NAV2: variants seen among roughly 807,000 people sequenced by gnomAD.
NAV2 encodes neuron navigator 2.
NAV2 carries 54 observed loss-of-function variants against 223.2 expected under a neutral mutation model. That is an observed-to-expected ratio of 0.24 (90% CI 0.19 to 0.30). NAV2 has a LOEUF of 0.30. Among genes scored for constraint, NAV2 ranks in the 10% least tolerant of loss-of-function variants. NAV2 has a pLI of 1.00. For synonymous variants in NAV2, 1,279 were observed against 1,239.3 expected, an observed-to-expected ratio of 1.03 and a Z score of -0.67; for missense variants, 2,806 against 3,147.5, an observed-to-expected ratio of 0.89 and a Z score of 2.60.
chr11:19,774,500 T>G (rs961646493), intron 1 of NAV2, among the ~76,000 whole-genome samples: 2 of 152,232 alleles, frequency 1.3e-5, no homozygotes, highest in Non-Finnish European at 2.9e-5. Flanking sequence ...ATGACCCAGC[T>G]GTACACTATA....
At chr11:19,420,030 G>A (rs185168544) in intron 1 of NAV2, among the ~76,000 whole-genome samples, 2 of 152,284 alleles carry the variant, frequency 1.3e-5, no homozygotes, top group East Asian at 3.9e-4. Flanking sequence ...AAGCAGTAAG[G>A]TGAGGTCCTC....
chr11:19,466,978 TCTCTCTAC>T (rs1386671712), intron 1 of NAV2, among the ~76,000 whole-genome samples: 1 of 104,736 alleles, frequency 9.5e-6, no homozygotes, highest in African/African-American at 3.4e-5. Flanking sequence ...CTCTTCTCTC[TCTCTCTAC>T]ACACACACAC....
At chr11:19,368,675 T>G (rs1848371171) in intron 1 of NAV2, among the ~76,000 whole-genome samples, 1 of 152,210 alleles carries the variant, frequency 6.6e-6, no homozygotes, top group South Asian at 2.1e-4. Flanking sequence ...GGTTTATATT[T>G]TATAACTAAA....
chr11:19,632,964 T>C (rs1417815451), intron 1 of NAV2, among the ~76,000 whole-genome samples: 2 of 152,202 alleles, frequency 1.3e-5, no homozygotes, highest in Non-Finnish European at 2.9e-5. Flanking sequence ...CTTTCCAAGC[T>C]CACACAGCTA....
At chr11:19,599,986 T>C (rs1554971754) in intron 1 of NAV2, among the ~76,000 whole-genome samples, 1 of 152,162 alleles carries the variant, frequency 6.6e-6, no homozygotes, top group Non-Finnish European at 1.5e-5. Context: ...GTGAAGTAAG[T>C]ATTTCAGTAC....
At chr11:19,678,381 A>G (rs186681394) in intron 1 of NAV2, among the ~76,000 whole-genome samples, 4 of 152,212 alleles carry the variant, frequency 2.6e-5, no homozygotes, top group Admixed American at 2.6e-4. Context: ...GAGTCCAGGC[A>G]TGCTTACTCC....
intron 1 of NAV2, among the ~76,000 whole-genome samples, chr11:19,736,336 A>T (rs144679599): frequency 6.6e-6 from 1 of 152,224 alleles, no homozygotes; most frequent in African/African-American, 2.4e-5. Context: ...CACTGTCAGT[A>T]TGCCTTCTAG....
chr11:19,546,078 A>T (rs2044490826), intron 1 of NAV2, among the ~76,000 whole-genome samples: 1 of 152,134 alleles, frequency 6.6e-6, no homozygotes, highest in Non-Finnish European at 1.5e-5. Context: ...CTAGAATTTC[A>T]TGGAGCTCAA....
intron 1 of NAV2, among the ~76,000 whole-genome samples, chr11:19,714,655 G>T (rs1486374131): frequency 6.6e-6 from 1 of 152,162 alleles, no homozygotes; most frequent in Admixed American, 6.5e-5. Context: ...CCGAAGCTAA[G>T]CCCCTCCTTC....
At chr11:19,353,851 G>A (rs1315712994) in intron 1 of NAV2, among the ~76,000 whole-genome samples, 1 of 152,136 alleles carries the variant, frequency 6.6e-6, no homozygotes, top group African/African-American at 2.4e-5. Flanking sequence ...GCTATTAACA[G>A]TTTTGTACAT....
At chr11:20,086,297 TG>T (rs1485962833) in intron 26 of NAV2, among the ~76,000 whole-genome samples, 2 of 152,216 alleles carry the variant, frequency 1.3e-5, no homozygotes, top group Non-Finnish European at 2.9e-5. Flanking sequence ...CTGGCCCACT[TG>T]TTCTTTGAAC....
intron 11 of NAV2, among the ~76,000 whole-genome samples, chr11:19,989,295 T>A (rs2625321): frequency 0.22 from 33,828 of 152,048 alleles, 5,225 homozygotes; most frequent in East Asian, 0.5. Context: ...GTCAGAATGA[T>A]GTCATGTAAG....
chr11:20,069,140 G>A lies in NAV2; in HGVS notation c.4983+742G>A, dbSNP rs191740811. Among the ~76,000 whole-genome samples, 364 of 152,200 alleles carry A rather than the reference G, an allele frequency of 2.4e-3. 4 individuals carry two copies. The highest frequency in any genetic ancestry group is 3.4e-3 in the Middle Eastern group (1 of 294). ...AAAAAAATTTTTTAAAAGGGGGACAGGAAGGACTTCCTGGAGGAGGTGACA... is the reference window on the plus strand; with the variant it reads ...AAAAAAATTTTTTAAAAGGGGGACAAGAAGGACTTCCTGGAGGAGGTGACA... On this transcript the variant is annotated intron_variant, in intron 22 of 37. Coordinates refer to ENST00000349880, the MANE Select transcript of NAV2 (RefSeq NM_145117.5).
Position 20,121,511 on chromosome 11 carries a change from A to G in NAV2, c.*3253A>G, listed in dbSNP as rs1051864932. ...TGGATTTGCCAATGATCTGCTGGAC[A>G]TCATGCCCCATGTCATAGAGAATAA... is the stretch of plus-strand genomic sequence containing the variant. On this transcript the variant is annotated 3_prime_UTR_variant, in exon 38 of 38. Transcript: ENST00000349880. The G allele has an allele frequency of 6.6e-6, 1 of 152,560 alleles. No homozygotes were observed. Among genetic ancestry groups the G allele is most frequent in the Non-Finnish European group, 1.5e-5 (1 of 68,040 alleles). The allele number at this position is 152,560 out of a possible 1,614,324, so 9.5% of individuals were successfully genotyped here.
chr11:19,942,652 C>A (rs939641561), intron 8 of NAV2, among the ~76,000 whole-genome samples: 9 of 152,080 alleles, frequency 5.9e-5, no homozygotes, highest in African/African-American at 2.2e-4. Flanking sequence ...GTGGGGGTTA[C>A]CAAAAGGAAA....
chr11:19,623,432 A>G lies in NAV2; in HGVS notation c.76-209052A>G, dbSNP rs548708731. On this transcript the variant is annotated intron_variant, in intron 1 of 37. Coordinates refer to the NAV2 transcript ENST00000360655. ...AGACGTAGATTTGGTCTTTTCACAT[A>G]GTCCCATATTTCTTGGAGGCTTTGT... Among the ~76,000 whole-genome samples, 3 of 152,282 alleles carry G rather than the reference A, an allele frequency of 2.0e-5. No homozygotes were observed. The East Asian group carries it at 5.8e-4, about 29-fold the overall frequency.
intron 12 of NAV2, among the ~76,000 whole-genome samples, chr11:20,041,526 C>T (rs925026139): frequency 6.6e-6 from 1 of 152,134 alleles, no homozygotes; most frequent in African/African-American, 2.4e-5. Flanking sequence ...AGTATAGGAA[C>T]ATTAAAAGAA....
chr11:20,044,444 A>T, intron 13 of NAV2, 172 bp downstream of exon 13: 1 of 663,596 alleles, frequency 1.5e-6, no homozygotes, highest in Non-Finnish European at 2.5e-6. Flanking sequence ...GAAATAAGTA[A>T]GCATGGGAGC....
chr11:19,694,654 C>T (rs993344453), intron 1 of NAV2, among the ~76,000 whole-genome samples: 20 of 152,174 alleles, frequency 1.3e-4, no homozygotes, highest in Non-Finnish European at 2.8e-4. Flanking sequence ...CTTCCAATGC[C>T]CTTAGTCACT....
Sources: allele counts gnomAD v4.1 joint callset (sites outside exome capture counted in the v4.1 genomes callset), GRCh38; gene constraint gnomAD v4.1.1; transcripts MANE v1.5; gene names NCBI Gene and HGNC (gene_info 2026-07-23, HGNC 2026-07-21).